Variants in TRPM7 observed in about 807,000 individuals in gnomAD.
TRPM7 encodes transient receptor potential cation channel subfamily M member 7.
TRPM7 carries 134 observed loss-of-function variants against 229.7 expected under a neutral mutation model. The ratio of observed to expected loss-of-function variants is 0.58; its 90% CI spans 0.51 to 0.67. The LOEUF is 0.67. Ranked by LOEUF, TRPM7 falls within the 30% of genes least tolerant of loss-of-function variation. The pLI is 0.00. For missense variants in TRPM7, 1,901 were observed against 2,210.0 expected (o/e 0.86, Z 2.80); for synonymous variants, 699 against 715.2 (o/e 0.98, Z 0.36).
At chr15:50,588,658 G>T (rs958611696) in intron 27 of TRPM7, among the ~76,000 whole-genome samples, 5 of 152,124 alleles carry the variant, frequency 3.3e-5, no homozygotes, top group African/African-American at 4.8e-5. Context: ...TTTCTATAAT[G>T]TAAGTTCTTT....
chr15:50,561,928 C>G, intron 38 of TRPM7, 120 bp from the exon 39 acceptor site: 3 of 1,053,420 alleles, frequency 2.8e-6, no homozygotes, highest in Non-Finnish European at 3.9e-6. Flanking sequence ...GAGTTTCGCT[C>G]TTGTTGCCCA....
chr15:50,678,583 G>A (rs925858742), intron 1 of TRPM7, among the ~76,000 whole-genome samples: 9 of 149,308 alleles, frequency 6.0e-5, no homozygotes, highest in Non-Finnish European at 1.2e-4. Context: ...ATGTCACAGA[G>A]TTCCACTCTT....
chr15:50,599,029 G>T, intron 22 of TRPM7, 93 bp downstream of exon 22: 2 of 980,802 alleles, frequency 2.0e-6, no homozygotes, highest in Admixed American at 2.4e-5. Flanking sequence ...GTAATAGTTT[G>T]ACTTCTGAAA....
chr15:50,589,937 A>C (rs1230326533), intron 26 of TRPM7, among the ~76,000 whole-genome samples: 1 of 151,970 alleles, frequency 6.6e-6, no homozygotes, highest in Non-Finnish European at 1.5e-5. Context: ...GGCTCACTTC[A>C]ACCTCTGCCT....
At chr15:50,581,622 C>A (rs1391719987) in intron 29 of TRPM7, among the ~76,000 whole-genome samples, 1 of 151,956 alleles carries the variant, frequency 6.6e-6, no homozygotes, top group African/African-American at 2.4e-5. Context: ...TATTTCACTG[C>A]AGCCTTTGTT....
Position 50,593,776 on chromosome 15 carries a change from C to A in TRPM7, c.3476-27G>T, listed in dbSNP as rs371294148. 54 of 1,588,410 alleles carry A rather than the reference C, an allele frequency of 3.4e-5. 1 individual carries two copies. In the African/African-American group the frequency reaches 6.4e-4, roughly 19 times the overall value. On this transcript the variant is annotated intron_variant, in intron 24 of 38. Transcript: ENST00000646667. ...TATGGGAGGAAAAGGAGAAGAAAAT[C>A]AAGGAAGAGCTATCAAGGTTTCAAC... is the stretch of plus-strand genomic sequence containing the variant.
At chr15:50,647,770 T>G (rs1043121717) in intron 4 of TRPM7, among the ~76,000 whole-genome samples, 1 of 151,908 alleles carries the variant, frequency 6.6e-6, no homozygotes, top group Non-Finnish European at 1.5e-5. Flanking sequence ...AAAGAACATA[T>G]AGTAGGCCTT....
intron 33 of TRPM7, 79 bp downstream of exon 33, chr15:50,575,645 C>CA (rs2054095245): frequency 1.6e-6 from 2 of 1,219,504 alleles, no homozygotes; most frequent in Non-Finnish European, 2.3e-6. Flanking sequence ...AATGTAATCC[C>CA]ACCCACATTC....
chr15:50,665,787 G>A (rs1378836991), intron 1 of TRPM7, among the ~76,000 whole-genome samples: 1 of 152,102 alleles, frequency 6.6e-6, no homozygotes, highest in Non-Finnish European at 1.5e-5. Flanking sequence ...TTGAGGTCAG[G>A]AGCTCAAGAC....
chr15:50,632,118 C>G (rs867452682), intron 9 of TRPM7, among the ~76,000 whole-genome samples: 3 of 152,148 alleles, frequency 2.0e-5, no homozygotes, highest in Middle Eastern at 3.4e-3. Flanking sequence ...GCCTGGCCAA[C>G]ACAGTGAAAC....
chr15:50,580,795 G>T, intron 30 of TRPM7, 79 bp downstream of exon 30: 1 of 1,296,962 alleles, frequency 7.7e-7, no homozygotes, highest in South Asian at 1.5e-5. Context: ...TTAAAGAGAT[G>T]ATGTAAAGAG....
chr15:50,648,925 TTA>T, intron 3 of TRPM7, 40 bp from the exon 4 acceptor site: 1 of 1,503,186 alleles, frequency 6.7e-7, no homozygotes, highest in Non-Finnish European at 9.0e-7. Context: ...CTTCAAAAAA[TTA>T]GAGTTAATGA....
intron 1 of TRPM7, among the ~76,000 whole-genome samples, chr15:50,685,123 T>C (rs1302288512): frequency 6.6e-6 from 1 of 152,192 alleles, no homozygotes; most frequent in Non-Finnish European, 1.5e-5. Flanking sequence ...AACTGGCCAA[T>C]GGGTATATGG....
intron 13 of TRPM7, among the ~76,000 whole-genome samples, chr15:50,616,563 A>G (rs186193461): frequency 2.6e-5 from 4 of 152,362 alleles, no homozygotes; most frequent in Admixed American, 6.5e-5. Context: ...CAGAAGGAGA[A>G]GAAATGAGAA....
At chr15:50,592,771 T>C (rs1474091346) in intron 25 of TRPM7, 145 bp from the exon 26 acceptor site, 6 of 604,930 alleles carry the variant, frequency 9.9e-6, no homozygotes, top group Non-Finnish European at 1.4e-5. Flanking sequence ...TATTTAATTA[T>C]ACAAGGCCTA....
At chr15:50,644,816 A>G (rs1300376660) in intron 4 of TRPM7, among the ~76,000 whole-genome samples, 3 of 143,236 alleles carry the variant, frequency 2.1e-5, no homozygotes, top group Non-Finnish European at 3.1e-5. Context: ...AAAAAAAAAA[A>G]AAAAAAGAAA....
At chr15:50,633,123 G>A in intron 8 of TRPM7, 131 bp from the exon 9 acceptor site, 1 of 710,986 alleles carries the variant, frequency 1.4e-6, no homozygotes, top group Non-Finnish European at 2.0e-6. Flanking sequence ...CCTTGGGTGG[G>A]ATTATTTCTT....
intron 5 of TRPM7, among the ~76,000 whole-genome samples, chr15:50,640,864 T>A (rs2061081612): frequency 6.6e-6 from 1 of 152,146 alleles, no homozygotes; most frequent in African/African-American, 2.4e-5. Flanking sequence ...AGTGTGAAGA[T>A]GACCATGTGC....
chr15:50,645,728 A>C lies in TRPM7; in HGVS notation c.322-2175T>G, dbSNP rs982167610. The stretch of plus-strand genomic sequence containing the variant: ...AGTATTAGAGAAGCAGTCTAAAGTT[A>C]ATGTTTTTAATACTATATTAGAGAT... On this transcript the variant is annotated intron_variant, in intron 4 of 38. Coordinates refer to ENST00000646667, the MANE Select transcript of TRPM7 (RefSeq NM_017672.6). Among the ~76,000 whole-genome samples the C allele has an allele frequency of 6.6e-5, 10 of 152,306 alleles. No homozygotes were observed. The East Asian group carries it at 1.9e-3, about 29-fold the overall frequency.
Sources: allele counts gnomAD v4.1 joint callset (sites outside exome capture counted in the v4.1 genomes callset), GRCh38; gene constraint gnomAD v4.1.1; transcripts MANE v1.5; gene names NCBI Gene and HGNC (gene_info 2026-07-23, HGNC 2026-07-21).